Variants in CFAP54 observed in about 807,000 individuals in gnomAD.
CFAP54 encodes cilia and flagella associated protein 54.
Under a neutral mutation model 370.4 loss-of-function variants are expected in CFAP54, and 290 were observed. The ratio of observed to expected loss-of-function variants is 0.78; its 90% CI spans 0.71 to 0.86. The LOEUF is 0.86. Ranked by LOEUF, CFAP54 falls within the 40% of genes least tolerant of loss-of-function variation. CFAP54 has a pLI of 0.00. For missense variants in CFAP54, 3,399 were observed against 3,528.7 expected (o/e 0.96, Z 0.93); for synonymous variants, 1,206 against 1,236.5 (o/e 0.98, Z 0.52).
chr12:96,771,333 G>A (rs1163143341), intron 60 of CFAP54, among the ~76,000 whole-genome samples: 1 of 152,168 alleles, frequency 6.6e-6, no homozygotes, highest in East Asian at 1.9e-4. Context: ...GTAGATTCAG[G>A]GAAACAGCAC....
chr12:96,518,488 A>C (rs1955265158), intron 5 of CFAP54, among the ~76,000 whole-genome samples: 1 of 152,146 alleles, frequency 6.6e-6, no homozygotes, highest in South Asian at 2.1e-4. Flanking sequence ...GGAGTTCAAG[A>C]CCAGCTTGGT....
chr12:96,811,941 A>G, intron 64 of CFAP54, 99 bp downstream of exon 64: 2 of 629,422 alleles, frequency 3.2e-6, no homozygotes, highest in African/African-American at 1.9e-5. Context: ...GAGACCTGCT[A>G]AAAGGCACTT....
At position 96,564,510 on chromosome 12, in the gene CFAP54, G is replaced by A. The variant is rs1376506945; in HGVS notation, c.2453G>A (p.Gly818Asp). ...PTVSKDISTKGPEKLKQSGST... is the reference protein window; with the variant it reads ...PTVSKDISTKDPEKLKQSGST... ...GTTAGCAAAGATATTTCTACCAAGGGTCCGGAAAAGTTAAAACAATCTGGA... is the reference window on the plus strand; with the variant it reads ...GTTAGCAAAGATATTTCTACCAAGGATCCGGAAAAGTTAAAACAATCTGGA... The change falls in exon 18 of 68, where the codon GGT (glycine) becomes GAT (aspartate). Residue 818 changes from glycine (G) to aspartate (D), a missense_variant. By Grantham distance (94) the Gly-to-Asp change is moderately conservative. This residue lies in a region of CFAP54 where 2,796 missense variants were observed against 2,869.7 expected (regional missense o/e 0.97). Transcript: ENST00000524981. 3 of 698,652 alleles carry A rather than the reference G, an allele frequency of 4.3e-6. No individual in the cohort carries two copies. Among genetic ancestry groups the A allele is most frequent in the East Asian group, 2.7e-5 (1 of 37,000 alleles). 43.3% of individuals were successfully genotyped at this position (698,652 alleles called of 1,614,324 possible).
intron 25 of CFAP54, 144 bp downstream of exon 25, chr12:96,594,590 A>G: frequency 1.9e-6 from 1 of 525,188 alleles, no homozygotes; most frequent in Non-Finnish European, 3.2e-6. Context: ...GTTAACTGAA[A>G]AACACTTTAA....
chr12:96,709,529 G>A (rs1957586318), intron 48 of CFAP54, among the ~76,000 whole-genome samples: 1 of 152,020 alleles, frequency 6.6e-6, no homozygotes, highest in Admixed American at 6.6e-5. Flanking sequence ...AGTTTGTCAA[G>A]TTATTTTTAT....
chr12:96,766,492 T>G (rs1958403110), intron 60 of CFAP54, among the ~76,000 whole-genome samples: 1 of 152,126 alleles, frequency 6.6e-6, no homozygotes, highest in Non-Finnish European at 1.5e-5. Context: ...GTTTGGCAGC[T>G]CAATTCTCCC....
intron 9 of CFAP54, 58 bp downstream of exon 9, chr12:96,527,502 A>C (rs1955396239): frequency 8.4e-7 from 1 of 1,186,380 alleles, no homozygotes. Flanking sequence ...AGTAACAAAA[A>C]TTTTAACATG....
chr12:96,643,771 T>C (rs1185974783), intron 32 of CFAP54, among the ~76,000 whole-genome samples: 1 of 152,236 alleles, frequency 6.6e-6, no homozygotes, highest in Non-Finnish European at 1.5e-5. Flanking sequence ...AAAATTTTGC[T>C]GCGTTGTTTT....
At chr12:96,497,016 A>C (rs1175639881) in intron 1 of CFAP54, among the ~76,000 whole-genome samples, 1 of 152,254 alleles carries the variant, frequency 6.6e-6, no homozygotes, top group African/African-American at 2.4e-5. Flanking sequence ...AACAAGAACA[A>C]ATAATGTTTT....
chr12:96,640,435 C>T (rs940755798), intron 32 of CFAP54, among the ~76,000 whole-genome samples: 1 of 152,156 alleles, frequency 6.6e-6, no homozygotes, highest in Non-Finnish European at 1.5e-5. Flanking sequence ...AGGATAAAAA[C>T]CAGTGGGAGA....
At chr12:96,721,435 T>C (rs1957752612) in intron 50 of CFAP54, among the ~76,000 whole-genome samples, 1 of 152,212 alleles carries the variant, frequency 6.6e-6, no homozygotes, top group Non-Finnish European at 1.5e-5. Context: ...AGTGAAGATA[T>C]AAAGATGCAT....
At chr12:96,701,950 G>T (rs942666406) in intron 46 of CFAP54, among the ~76,000 whole-genome samples, 1 of 152,170 alleles carries the variant, frequency 6.6e-6, no homozygotes, top group Non-Finnish European at 1.5e-5. Context: ...GAGGCTGTGG[G>T]TGGGCAGGGG....
intron 13 of CFAP54, chr12:96,540,217 C>G (rs1052095103): frequency 5.9e-5 from 9 of 152,392 alleles, no homozygotes; most frequent in African/African-American, 2.2e-4. Flanking sequence ...ATTCTCCTGC[C>G]TCAGGCTTCA....
chr12:96,787,916 T>C lies in CFAP54; in HGVS notation c.8679+1018T>C, dbSNP rs541665184. 3.2e-4 allele frequency among the ~76,000 whole-genome samples: 49 copies of C among 152,104 alleles called. 1 individual carries two copies. The highest frequency in any genetic ancestry group is 2.3e-3 in the Admixed American group (35 of 15,262). Reference sequence around the variant, plus strand: ...AGATGAAAAAGTGAGGTTTTTTTTTTTTGGTTTTTTTTTTGAGACAGAGTC... The same window carrying C: ...AGATGAAAAAGTGAGGTTTTTTTTTCTTGGTTTTTTTTTTGAGACAGAGTC... On this transcript the variant is annotated intron_variant, in intron 62 of 67. Coordinates refer to ENST00000524981, the MANE Select transcript of CFAP54 (RefSeq NM_001306084.2).
At chr12:96,641,997 G>A (rs1956735841) in intron 32 of CFAP54, among the ~76,000 whole-genome samples, 1 of 151,598 alleles carries the variant, frequency 6.6e-6, no homozygotes, top group East Asian at 1.9e-4. Context: ...GTTAATGGGT[G>A]CAGCCCACCA....
intron 66 of CFAP54, among the ~76,000 whole-genome samples, chr12:96,836,945 A>G (rs1396681210): frequency 2.6e-5 from 4 of 152,068 alleles, no homozygotes; most frequent in African/African-American, 9.7e-5. Context: ...CTCCTGCCTC[A>G]GTCTTCTGAT....
intron 3 of CFAP54, among the ~76,000 whole-genome samples, chr12:96,504,395 TA>T (rs1955067461): frequency 6.7e-6 from 1 of 149,962 alleles, no homozygotes; most frequent in South Asian, 2.3e-4. Context: ...TCACATAGTA[TA>T]AAAAAGCGAC....
rs116098420 is a variant in CFAP54, at chr12:96,528,685, A to G, written c.1357+1241A>G. On this transcript the variant is annotated intron_variant, in intron 9 of 67. Coordinates refer to ENST00000524981, the MANE Select transcript of CFAP54 (RefSeq NM_001306084.2). ...GTTTGCTTTCTCTCTTATTTCATCA[A>G]TTTCACCAGGGGTCCACCAGTTTCA... 2.4e-3 allele frequency among the ~76,000 whole-genome samples: 363 copies of G among 152,254 alleles called. 1 individual carries two copies. The highest frequency in any genetic ancestry group is 8.4e-3 in the African/African-American group (351 of 41,548).
rs182387940 is a variant in CFAP54, at chr12:96,797,202, G to C, written c.8850+4703G>C. On this transcript the variant is annotated intron_variant, in intron 63 of 67. Transcript: ENST00000524981. ...TGTTTTGTGGTAATAAAAAATTTTA[G>C]TGTGATTACTATTTGTTGAAACTCG... Among the ~76,000 whole-genome samples the C allele has an allele frequency of 3.8e-3, 584 of 152,042 alleles. 1 individual carries two copies. Among genetic ancestry groups the C allele is most frequent in the Non-Finnish European group, 6.6e-3 (445 of 67,936 alleles).
Sources: gnomAD v4.1 joint callset for allele counts (sites outside exome capture counted in the v4.1 genomes callset) on GRCh38, gnomAD v4.1.1 for gene constraint, gnomAD v4.1.1 regional missense constraint, MANE v1.5 for transcripts, NCBI Gene and HGNC (gene_info 2026-07-23, HGNC 2026-07-21) for gene names.